The following ERC2 variants were observed in gnomAD, a reference collection of about 807,000 sequenced individuals.
ERC2 encodes the protein ELKS/RAB6-interacting/CAST family member 2, also known as ERC protein 2.
ERC2 carries 42 observed loss-of-function variants against 114.8 expected under a neutral mutation model. The observed-to-expected ratio is 0.37, with a 90% CI of 0.29 to 0.47. The LOEUF is 0.47. Ranked by LOEUF, ERC2 falls within the 20% of genes least tolerant of loss-of-function variation. The probability of loss-of-function intolerance (pLI) is 0.99; values close to 1 mark genes in which losing one functional copy is unlikely to be tolerated. For synonymous variants in ERC2, 454 were observed against 425.5 expected, an observed-to-expected ratio of 1.07 and a Z score of -0.82; for missense variants, 939 against 1,150.7, an observed-to-expected ratio of 0.82 and a Z score of 2.66.
At chr3:55,808,757 CATATAT>C (rs59418105) in intron 14 of ERC2, among the ~76,000 whole-genome samples, 3,825 of 96,990 alleles carry the variant, frequency 0.039, 130 homozygotes, top group Middle Eastern at 0.12. Context: ...TATAACTAAA[CATATAT>C]ATATATATAT....
In ERC2 at chr3:55,677,276, T is replaced by C. The variant is rs940424938; in HGVS notation, c.*39+6518A>G. ...TTTCCTTTGCTATACCCAAGTGTTA[T>C]AAAAATCAAAGGTAACTGGAGAGGG... On this transcript the variant is annotated intron_variant, in intron 17 of 17. Transcript: ENST00000288221. 4.6e-5 allele frequency among the ~76,000 whole-genome samples: 7 copies of C among 152,212 alleles called. No homozygotes were observed. The South Asian group carries it at 6.2e-4, about 14-fold the overall frequency.
At chr3:55,618,189 A>G (rs1052929442) in intron 17 of ERC2, among the ~76,000 whole-genome samples, 2 of 152,212 alleles carry the variant, frequency 1.3e-5, no homozygotes, top group African/African-American at 4.8e-5. Context: ...GAAGAAAAAT[A>G]CTGAGAGCTC....
chr3:56,381,361 C>T (rs899772650), intron 2 of ERC2, among the ~76,000 whole-genome samples: 2 of 152,064 alleles, frequency 1.3e-5, no homozygotes, highest in Non-Finnish European at 2.9e-5. Flanking sequence ...AATTCACGCA[C>T]ACTCAGGTCC....
At chr3:55,553,737 G>A (rs932710681) in intron 17 of ERC2, among the ~76,000 whole-genome samples, 8 of 152,026 alleles carry the variant, frequency 5.3e-5, no homozygotes, top group Non-Finnish European at 8.8e-5. Flanking sequence ...TCAAGATCGC[G>A]CCACTGCTCT....
At chr3:55,781,109 T>C (rs2149050777) in intron 14 of ERC2, among the ~76,000 whole-genome samples, 1 of 152,270 alleles carries the variant, frequency 6.6e-6, no homozygotes, top group South Asian at 2.1e-4. Flanking sequence ...GTGTGAGACC[T>C]CAGACAAGGA....
intron 14 of ERC2, among the ~76,000 whole-genome samples, chr3:55,868,561 T>C (rs1411207291): frequency 6.6e-6 from 1 of 152,216 alleles, no homozygotes; most frequent in Admixed American, 6.5e-5. Context: ...GAAGCCCCTG[T>C]TCTGTGGACT....
At position 55,852,512 on chromosome 3, in the gene ERC2, C is replaced by T. The variant is rs929451588; in HGVS notation, c.2564+35877G>A. ...ACCTCCATGGAGCCATCCAACCTGACCACCGGGTTATCTACAAGGGAATTT... is the reference window on the plus strand; with the variant it reads ...ACCTCCATGGAGCCATCCAACCTGATCACCGGGTTATCTACAAGGGAATTT... On this transcript the variant is annotated intron_variant, in intron 14 of 17. Transcript: ENST00000288221. The T allele has an allele frequency of 5.8e-5, 9 of 154,144 alleles. 1 individual carries two copies. The South Asian group carries it at 8.2e-4, about 14-fold the overall frequency. The allele number at this position is 154,144 out of a possible 1,614,324, so 9.5% of individuals were successfully genotyped here. A position where few individuals can be genotyped will look rare whatever the true frequency, so the allele number is the denominator to read the frequency against.
chr3:55,696,054 T>A (rs541146177), intron 16 of ERC2, among the ~76,000 whole-genome samples: 9 of 152,294 alleles, frequency 5.9e-5, no homozygotes, highest in African/African-American at 2.2e-4. Flanking sequence ...AAAGTTACTT[T>A]GGGAAATGCT....
At chr3:55,550,361 T>A (rs542953287) in intron 17 of ERC2, among the ~76,000 whole-genome samples, 2 of 152,294 alleles carry the variant, frequency 1.3e-5, no homozygotes, top group African/African-American at 4.8e-5. Context: ...TCCATCTCTT[T>A]CACTGAAATG....
intron 4 of ERC2, among the ~76,000 whole-genome samples, chr3:56,149,507 A>T (rs971389466): frequency 6.6e-6 from 1 of 152,204 alleles, no homozygotes; most frequent in African/African-American, 2.4e-5. Context: ...ATATTTTTGA[A>T]TCTACTTATA....
At chr3:56,064,486 G>C (rs1200592529) in intron 7 of ERC2, among the ~76,000 whole-genome samples, 1 of 152,156 alleles carries the variant, frequency 6.6e-6, no homozygotes, top group Non-Finnish European at 1.5e-5. Flanking sequence ...ATGTCAATGA[G>C]TGCTATTCAT....
chr3:56,035,511 G>A (rs1244324805), intron 7 of ERC2, among the ~76,000 whole-genome samples: 5 of 152,202 alleles, frequency 3.3e-5, no homozygotes, highest in African/African-American at 1.2e-4. Context: ...CACAATGCAA[G>A]AGTACTGTGA....
At chr3:56,351,507 G>A (rs1198606811) in intron 2 of ERC2, among the ~76,000 whole-genome samples, 1 of 152,060 alleles carries the variant, frequency 6.6e-6, no homozygotes, top group Admixed American at 6.5e-5. Context: ...GGGAAAGAGA[G>A]ACAGAAAGAA....
At chr3:55,920,181 C>A (rs1426671587) in intron 13 of ERC2, among the ~76,000 whole-genome samples, 1 of 151,862 alleles carries the variant, frequency 6.6e-6, no homozygotes, top group Non-Finnish European at 1.5e-5. Context: ...TATTTTATCT[C>A]TTTAAAAATG....
intron 2 of ERC2, among the ~76,000 whole-genome samples, chr3:56,343,199 C>CACACACACACACACAA (rs2058167858): frequency 6.7e-6 from 1 of 150,294 alleles, no homozygotes; most frequent in Admixed American, 6.7e-5. Context: ...CTCTCACACA[C>CACACACACACACACAA]ACACACACAC....
chr3:56,462,970 T>C (rs926329073), intron 1 of ERC2, among the ~76,000 whole-genome samples: 12 of 152,190 alleles, frequency 7.9e-5, no homozygotes, highest in Admixed American at 7.2e-4. Flanking sequence ...CTCACACCTC[T>C]AATCCCAGCA....
intron 13 of ERC2, among the ~76,000 whole-genome samples, chr3:55,910,996 T>C (rs76540929): frequency 0.013 from 1,922 of 152,320 alleles, 39 homozygotes; most frequent in African/African-American, 0.042. Context: ...ATGGTGCTCA[T>C]AGTCTAGCAA....
rs1370622350 is a variant in ERC2, at chr3:55,511,149, G to C, written c.*167C>G. On this transcript the variant is annotated 3_prime_UTR_variant, in exon 18 of 18. Coordinates refer to ENST00000288221, the MANE Select transcript of ERC2 (RefSeq NM_015576.3). ...CAGAATCACGCTCAATAAGGTAAGT[G>C]AAAACTCCCCTTCAGTTCTGATGAG... 1.3e-5 allele frequency: 2 copies of C among 152,588 alleles called. No homozygotes were observed. Among genetic ancestry groups the C allele is most frequent in the East Asian group, 3.9e-4 (2 of 5,188 alleles). 9.5% of individuals were successfully genotyped at this position (152,588 alleles called of 1,614,324 possible). A position where few individuals can be genotyped will look rare whatever the true frequency, so the allele number is the denominator to read the frequency against.
intron 2 of ERC2, among the ~76,000 whole-genome samples, chr3:56,339,918 A>G (rs550003813): frequency 6.6e-6 from 1 of 152,298 alleles, no homozygotes; most frequent in African/African-American, 2.4e-5. Context: ...ATCTGCACGG[A>G]CAAAACGAGG....
Sources: allele counts gnomAD v4.1 joint callset (sites outside exome capture counted in the v4.1 genomes callset), GRCh38; gene constraint gnomAD v4.1.1; transcripts MANE v1.5; gene names NCBI Gene and HGNC (gene_info 2026-07-23, HGNC 2026-07-21).